Variants in WWOX observed in about 807,000 individuals in gnomAD.
WWOX encodes the protein WW domain containing oxidoreductase, also known as WW domain-containing oxidoreductase.
Under a neutral mutation model 46.2 loss-of-function variants are expected in WWOX, and 69 were observed. The ratio of observed to expected loss-of-function variants is 1.49; its 90% CI spans 1.23 to 1.82. The LOEUF is 1.82. WWOX is among the 40% of genes most tolerant of loss of function. The probability of loss-of-function intolerance (pLI) is 0.00; values close to 1 mark genes in which losing one functional copy is unlikely to be tolerated. For missense variants in WWOX, 919 were observed against 542.6 expected (o/e 1.69, Z -6.89); for synonymous variants, 359 against 202.6 (o/e 1.77, Z -6.56).
intron 8 of WWOX, among the ~76,000 whole-genome samples, chr16:78,622,569 A>T (rs2046215655): frequency 2.6e-5 from 4 of 150,946 alleles, no homozygotes; most frequent in Admixed American, 2.0e-4. Context: ...GAACCCTTGT[A>T]GTTTCTTCCT....
chr16:78,694,690 G>A (rs2048062852), intron 8 of WWOX, among the ~76,000 whole-genome samples: 2 of 152,206 alleles, frequency 1.3e-5, no homozygotes, highest in South Asian at 4.1e-4. Flanking sequence ...TGAAAAGACA[G>A]AAGCATATGG....
chr16:78,383,022 G>T (rs769923593), intron 5 of WWOX, among the ~76,000 whole-genome samples: 1 of 150,958 alleles, frequency 6.6e-6, no homozygotes, highest in African/African-American at 2.4e-5. Context: ...GACGAATAGG[G>T]GGAGGTGATA....
At chr16:78,689,336 T>C (rs1367403562) in intron 8 of WWOX, among the ~76,000 whole-genome samples, 1 of 152,232 alleles carries the variant, frequency 6.6e-6, no homozygotes, top group East Asian at 1.9e-4. Context: ...TCATGCTCTC[T>C]AAACACCCCA....
At chr16:78,714,853 G>A (rs965022722) in intron 8 of WWOX, among the ~76,000 whole-genome samples, 4 of 152,180 alleles carry the variant, frequency 2.6e-5, no homozygotes, top group Non-Finnish European at 5.9e-5. Context: ...CCAGTGAGTG[G>A]TTTTAAGCCA....
chr16:78,536,596 G>A (rs1005187805), intron 8 of WWOX, among the ~76,000 whole-genome samples: 2 of 152,090 alleles, frequency 1.3e-5, no homozygotes, highest in South Asian at 2.1e-4. Context: ...TACTGTTTGA[G>A]CCTCCCCCAT....
chr16:78,457,321 C>G (rs528400718), intron 8 of WWOX, among the ~76,000 whole-genome samples: 2 of 152,260 alleles, frequency 1.3e-5, no homozygotes, highest in African/African-American at 4.8e-5. Flanking sequence ...TCTTTTCATT[C>G]AGTTCAGATT....
chr16:78,609,785 C>T (rs1202353537), intron 8 of WWOX, among the ~76,000 whole-genome samples: 1 of 152,186 alleles, frequency 6.6e-6, no homozygotes, highest in Non-Finnish European at 1.5e-5. Flanking sequence ...CTATACCATG[C>T]AAATGAAAAT....
intron 8 of WWOX, among the ~76,000 whole-genome samples, chr16:79,199,728 G>A (rs1444393389): frequency 1.9e-4 from 29 of 152,158 alleles, no homozygotes; most frequent in Admixed American, 1.9e-3. Flanking sequence ...TCCAGAGGGT[G>A]TACTGGTAGA....
At chr16:78,204,025 G>A (rs1597348573) in intron 5 of WWOX, among the ~76,000 whole-genome samples, 1 of 152,172 alleles carries the variant, frequency 6.6e-6, no homozygotes, top group African/African-American at 2.4e-5. Flanking sequence ...CCACTGACAC[G>A]TTGTCAGCCA....
chr16:79,179,194 A>G (rs1373437188), intron 8 of WWOX, among the ~76,000 whole-genome samples: 1 of 152,268 alleles, frequency 6.6e-6, no homozygotes, highest in Non-Finnish European at 1.5e-5. Context: ...AAAGTGTAGC[A>G]TTAAACTCAG....
intron 8 of WWOX, among the ~76,000 whole-genome samples, chr16:79,028,687 C>G (rs936967412): frequency 2.0e-5 from 3 of 151,608 alleles, no homozygotes; most frequent in Admixed American, 6.6e-5. Context: ...CACATAAGCC[C>G]CCATGGAAAG....
At chr16:78,457,129 T>C (rs1240647557) in intron 8 of WWOX, among the ~76,000 whole-genome samples, 1 of 152,248 alleles carries the variant, frequency 6.6e-6, no homozygotes, top group Non-Finnish European at 1.5e-5. Context: ...GGTAACATTC[T>C]CTCTGATCGT....
chr16:78,369,897 C>T (rs376456836), intron 5 of WWOX, among the ~76,000 whole-genome samples: 2 of 152,088 alleles, frequency 1.3e-5, no homozygotes, highest in East Asian at 3.9e-4. Context: ...CTTTGGGAGG[C>T]CGAGGCGGGA....
chr16:78,672,294 A>G (rs1357182321), intron 8 of WWOX, among the ~76,000 whole-genome samples: 1 of 152,226 alleles, frequency 6.6e-6, no homozygotes, highest in Non-Finnish European at 1.5e-5. Context: ...AAATGCAAGC[A>G]GGGGCATTCA....
intron 8 of WWOX, among the ~76,000 whole-genome samples, chr16:79,008,301 T>C (rs2550732): frequency 0.96 from 145,651 of 152,242 alleles, 69,742 homozygotes; most frequent in East Asian, 1. Flanking sequence ...CTCTCTTCAG[T>C]GAGGGCCCAG....
chr16:78,561,919 CTCTA>C (rs2044448199), intron 8 of WWOX, among the ~76,000 whole-genome samples: 1 of 152,140 alleles, frequency 6.6e-6, no homozygotes, highest in South Asian at 2.1e-4. Flanking sequence ...GCCTTAACGT[CTCTA>C]TCTAATTTCC....
intron 4 of WWOX, among the ~76,000 whole-genome samples, chr16:78,128,204 T>A (rs1015413503): frequency 6.6e-6 from 1 of 152,094 alleles, no homozygotes; most frequent in African/African-American, 2.4e-5. Flanking sequence ...TTTTTGTTGT[T>A]GTTAGGATAT....
In WWOX at chr16:78,100,140, C is replaced by T; in HGVS notation, c.107+255C>T. On this transcript the variant is annotated intron_variant, in intron 1 of 8. Coordinates refer to ENST00000566780, the MANE Select transcript of WWOX (RefSeq NM_016373.4). ...CTGTTCAGGATGCAGCACTGCGCGG[C>T]GCGGCGAGGGCAAAGCGGCCTCATC... 2.3e-6 allele frequency: 3 copies of T among 1,320,746 alleles called. No individual in the cohort carries two copies. In the South Asian group the frequency reaches 6.0e-5, roughly 26 times the overall value. The allele number at this position is 1,320,746 out of a possible 1,614,324, so 81.8% of individuals were successfully genotyped here.
chr16:79,096,476 T>C (rs1404102174), intron 8 of WWOX, among the ~76,000 whole-genome samples: 1 of 152,120 alleles, frequency 6.6e-6, no homozygotes, highest in Non-Finnish European at 1.5e-5. Context: ...ATGCCCCTCC[T>C]GGTTATCCCA....
Sources: gnomAD v4.1 joint callset for allele counts (sites outside exome capture counted in the v4.1 genomes callset) on GRCh38, gnomAD v4.1.1 for gene constraint, MANE v1.5 for transcripts, NCBI Gene and HGNC (gene_info 2026-07-23, HGNC 2026-07-21) for gene names.